Variants in RYR2 observed in about 807,000 individuals in gnomAD.
RYR2 encodes ryanodine receptor 2, also known as cardiac muscle ryanodine receptor-calcium release channel.
In RYR2, 227 loss-of-function variants were observed where a neutral mutation model predicts 601.1. The observed-to-expected ratio is 0.38, with a 90% confidence interval of 0.34 to 0.42. The LOEUF is 0.42. RYR2 is among the 10% of genes least tolerant of loss of function. The pLI is 1.00. For synonymous variants in RYR2, 2,223 were observed against 2,175.1 expected (o/e 1.02, Z -0.61); for missense variants, 4,646 against 6,156.5 (o/e 0.75, Z 8.21).
At chr1:237,404,494 C>T (rs1374575985) in intron 10 of RYR2, among the ~76,000 whole-genome samples, 1 of 152,052 alleles carries the variant, frequency 6.6e-6, no homozygotes, top group Non-Finnish European at 1.5e-5. Flanking sequence ...ACTTAATCCA[C>T]AAGAAAGCAG....
At chr1:237,283,892 G>A (rs1314728048) in intron 2 of RYR2, among the ~76,000 whole-genome samples, 1 of 151,974 alleles carries the variant, frequency 6.6e-6, no homozygotes, top group Non-Finnish European at 1.5e-5. Flanking sequence ...GAGATTTTGG[G>A]GCACCCATCA....
At chr1:237,595,397 C>T in intron 33 of RYR2, 101 bp from the exon 34 acceptor site, 2 of 1,376,016 alleles carry the variant, frequency 1.5e-6, no homozygotes, top group Non-Finnish European at 2.0e-6. Flanking sequence ...ACAGCATGAG[C>T]TTGTTGCTTG....
Position 237,627,916 on chromosome 1 carries a change from T to G in RYR2, c.6276T>G (p.Tyr2092Ter). Residue 2092 changes from tyrosine to a stop codon, truncating the protein, a stop_gained, in exon 41 of 105, where the codon TAT (tyrosine) becomes TAG (stop). Coordinates refer to ENST00000366574, the MANE Select transcript of RYR2 (RefSeq NM_001035.3). LOFTEE classifies it high-confidence loss of function. ...TGTTTGTGTTGCTCCATCGGCAGTA[T>G]GACGGCATTGGGGGTCTTGTTCGGG... ...RAMFVLLHRQ[Y>*]DGIGGLVRAL... The G allele has an allele frequency of 6.2e-7, 1 of 1,613,928 alleles. No homozygotes were observed. Among genetic ancestry groups the G allele is most frequent in the Non-Finnish European group, 8.5e-7 (1 of 1,179,892 alleles).
intron 17 of RYR2, among the ~76,000 whole-genome samples, chr1:237,478,344 C>T (rs1661636324): frequency 6.6e-6 from 1 of 152,162 alleles, no homozygotes; most frequent in African/African-American, 2.4e-5. Flanking sequence ...CTGTGCTTCC[C>T]GTTTTTTAAC....
At chr1:237,810,574 T>C (rs1661144229) in intron 100 of RYR2, among the ~76,000 whole-genome samples, 1 of 152,178 alleles carries the variant, frequency 6.6e-6, no homozygotes, top group Non-Finnish European at 1.5e-5. Context: ...ATCAAATTTT[T>C]AAGTATATAT....
In RYR2 at chr1:237,784,995, C is replaced by T. The variant is rs554088878; in HGVS notation, c.13260+23C>T. On this transcript the variant is annotated intron_variant, in intron 90 of 104. Transcript: ENST00000366574. The surrounding 1 kb of genome is among the most constrained non-coding windows in gnomAD (Gnocchi z 7.1). ...CAGGTAATTTATCTCTAAGTCACAGCAGCATTCTCTCTGGACTTCAGGTGG... is the reference window on the plus strand; with the variant it reads ...CAGGTAATTTATCTCTAAGTCACAGTAGCATTCTCTCTGGACTTCAGGTGG... 4.7e-6 allele frequency: 7 copies of T among 1,495,094 alleles called. No homozygotes were observed. In the Admixed American group the frequency reaches 1.2e-4, roughly 25 times the overall value. The allele number at this position is 1,495,094 out of a possible 1,614,324, so 92.6% of individuals were successfully genotyped here. A position where few individuals can be genotyped will look rare whatever the true frequency, so the allele number is the denominator to read the frequency against.
Position 237,239,434 on chromosome 1 carries a change from A to C in RYR2, c.49-31063A>C, listed in dbSNP as rs569790021. 5.3e-5 allele frequency among the ~76,000 whole-genome samples: 8 copies of C among 152,274 alleles called. No homozygotes were observed. In the South Asian group the frequency reaches 1.2e-3, roughly 24 times the overall value. Reference sequence around the variant, plus strand: ...AGGAGGCGGTGTCTGATTTTCACAGAGCCTAAAAGATTGGTTGGACCAGGT... The same window carrying C: ...AGGAGGCGGTGTCTGATTTTCACAGCGCCTAAAAGATTGGTTGGACCAGGT... On this transcript the variant is annotated intron_variant, in intron 1 of 104. Transcript: ENST00000366574.
At chr1:237,609,136 C>T (rs1677508601) in intron 35 of RYR2, among the ~76,000 whole-genome samples, 1 of 126,532 alleles carries the variant, frequency 7.9e-6, no homozygotes, top group African/African-American at 2.6e-5. Context: ...TCACTACAAC[C>T]TCTCTCTCTC....
chr1:237,649,563 T>A (rs917749324), intron 49 of RYR2, among the ~76,000 whole-genome samples: 1 of 152,162 alleles, frequency 6.6e-6, no homozygotes, highest in Non-Finnish European at 1.5e-5. Flanking sequence ...TACTCACATC[T>A]GTGATATTAT....
Position 237,591,802 on chromosome 1 carries a change from T to G in RYR2, c.4224T>G (p.Asp1408Glu). ...STSHSARLTE[D>E]VLADDRDDYD... The stretch of plus-strand genomic sequence containing the variant: ...GCCATTCTGCAAGACTCACCGAAGA[T>G]GTCCTTGCTGATGATCGGGATGACT... The change falls in exon 32 of 105, where the codon GAT (aspartate) becomes GAG (glutamate). Residue 1408 changes from aspartate to glutamate, a missense_variant. Physicochemically the swap from Asp to Glu is conservative, Grantham distance 45. Transcript: ENST00000366574. The G allele has an allele frequency of 1.9e-6, 3 of 1,613,804 alleles. No homozygotes were observed. The highest frequency in any genetic ancestry group is 2.5e-6 in the Non-Finnish European group (3 of 1,179,820).
At chr1:237,125,043 A>G (rs753030704) in intron 1 of RYR2, among the ~76,000 whole-genome samples, 3 of 152,230 alleles carry the variant, frequency 2.0e-5, no homozygotes, top group Non-Finnish European at 4.4e-5. Context: ...ACTAATTCAT[A>G]GGCAGTAATG....
intron 2 of RYR2, among the ~76,000 whole-genome samples, chr1:237,308,153 T>C: frequency 6.6e-6 from 1 of 152,178 alleles, no homozygotes; most frequent in East Asian, 1.9e-4. Context: ...GACTTAGGAG[T>C]GTCCAGATAT....
chr1:237,814,939 A>G (rs1450736486), intron 100 of RYR2, among the ~76,000 whole-genome samples: 1 of 151,580 alleles, frequency 6.6e-6, no homozygotes, highest in African/African-American at 2.4e-5. Flanking sequence ...TTTCCCAACA[A>G]ATAATCTGCT....
At chr1:237,791,407 T>A in intron 92 of RYR2, 22 bp from the exon 93 acceptor site, 1 of 1,346,360 alleles carries the variant, frequency 7.4e-7, no homozygotes, top group African/African-American at 1.4e-5. Flanking sequence ...AGTGACCTTT[T>A]CATAATGTTT....
chr1:237,257,499 A>T (rs1459239192), intron 1 of RYR2, among the ~76,000 whole-genome samples: 1 of 152,206 alleles, frequency 6.6e-6, no homozygotes, highest in Non-Finnish European at 1.5e-5. Context: ...TAGTTCTAGA[A>T]TGTAATCAAT....
chr1:237,338,592 T>C (rs893423172), intron 3 of RYR2, among the ~76,000 whole-genome samples: 6 of 152,218 alleles, frequency 3.9e-5, no homozygotes, highest in Non-Finnish European at 5.9e-5. Context: ...TTTTTCTTTG[T>C]TAATAGCAGC....
intron 17 of RYR2, among the ~76,000 whole-genome samples, chr1:237,484,211 T>G (rs758845502): frequency 5.3e-5 from 8 of 152,160 alleles, no homozygotes; most frequent in Non-Finnish European, 1.2e-4. Context: ...AAGAGAGACT[T>G]TCCTTCTCCC....
intron 3 of RYR2, among the ~76,000 whole-genome samples, chr1:237,349,160 T>C (rs933355705): frequency 1.3e-5 from 2 of 152,068 alleles, no homozygotes; most frequent in African/African-American, 4.8e-5. Context: ...TGGGTTACCA[T>C]AGTAAAAATG....
At chr1:237,584,664 T>TG (rs1559066879) in intron 29 of RYR2, among the ~76,000 whole-genome samples, 1 of 140,708 alleles carries the variant, frequency 7.1e-6, no homozygotes, top group African/African-American at 2.6e-5. Flanking sequence ...TTTTTTTTTT[T>TG]TTTTTTTTTG....
Sources: gnomAD v4.1 joint callset for allele counts (sites outside exome capture counted in the v4.1 genomes callset) on GRCh38, gnomAD v4.1.1 for gene constraint, Gnocchi (gnomAD v3.1) non-coding constraint, MANE v1.5 for transcripts, NCBI Gene and HGNC (gene_info 2026-07-23, HGNC 2026-07-21) for gene names.